The following KDM2A variants were observed in gnomAD, a reference collection of about 807,000 sequenced individuals.
KDM2A encodes lysine-specific demethylase 2A.
Under a neutral mutation model 137.3 loss-of-function variants are expected in KDM2A, and 3 were observed. The ratio of observed to expected loss-of-function variants is 0.02; its 90% CI spans 0.01 to 0.06. KDM2A has a LOEUF of 0.06. Among genes scored for constraint, KDM2A ranks in the 10% least tolerant of loss-of-function variants. The pLI is 1.00. For missense variants in KDM2A, 738 were observed against 1,510.6 expected, an observed-to-expected ratio of 0.49 and a Z score of 8.48; for synonymous variants, 512 against 541.5, an observed-to-expected ratio of 0.95 and a Z score of 0.76.
intron 12 of KDM2A, chr11:67,240,129 G>A: frequency 1.4e-6 from 2 of 1,400,462 alleles, no homozygotes; most frequent in South Asian, 3.3e-5. Context: ...TGAGCTGAAG[G>A]GCTCGAGAAG....
chr11:67,240,040 A>G (rs1368395887), intron 12 of KDM2A: 3 of 1,304,328 alleles, frequency 2.3e-6, no homozygotes, highest in African/African-American at 3.0e-5. Context: ...CCCTCCTGCC[A>G]TCTTCCGTTG....
chr11:67,121,389 C>T lies in KDM2A; in HGVS notation c.42+31C>T, dbSNP rs774882809. The T allele has an allele frequency of 1.8e-5, 29 of 1,602,492 alleles. No homozygotes were observed. The East Asian group carries it at 4.9e-4, about 27-fold the overall frequency. On this transcript the variant is annotated intron_variant, in intron 2 of 20. Coordinates refer to ENST00000529006, the MANE Select transcript of KDM2A (RefSeq NM_012308.3). ...TATTTTCTCCCCCCACCACACCCTC[C>T]AGTTTTAAAGTAGGATAACTATTTT...
Position 67,253,495 on chromosome 11 carries a change from T to G in KDM2A, c.2975T>G (p.Val992Gly), listed in dbSNP as rs1859503038. 1 of 1,613,912 alleles carries G rather than the reference T, an allele frequency of 6.2e-7. No individual in the cohort carries two copies. Among genetic ancestry groups the G allele is most frequent in the African/African-American group, 1.3e-5 (1 of 75,032 alleles). The change falls in exon 19 of 21, where the codon GTC becomes GGC. Residue 992 changes from valine to glycine, a missense_variant. This residue lies in a region of KDM2A where 166 missense variants were observed against 324.0 expected (regional missense o/e 0.51). Coordinates refer to ENST00000529006, the MANE Select transcript of KDM2A (RefSeq NM_012308.3). ...CTAGCAGGCTGCTCCTGGTCTGCAG[T>G]CTCTGCCCTCAGCACCTCCAGCTGC... ...LLLAGCSWSA[V>G]SALSTSSCPL...
At chr11:67,213,398 A>G (rs1342721544) in intron 6 of KDM2A, among the ~76,000 whole-genome samples, 1 of 152,120 alleles carries the variant, frequency 6.6e-6, no homozygotes, top group East Asian at 1.9e-4. Context: ...GGCACAGGAA[A>G]TGTTATAATT....
intron 2 of KDM2A, among the ~76,000 whole-genome samples, chr11:67,148,259 TA>T (rs201406330): frequency 6.8e-5 from 10 of 147,824 alleles, no homozygotes; most frequent in South Asian, 2.1e-4. Context: ...GCATCTCTAT[TA>T]AAAAAAAAAA....
At chr11:67,170,243 G>A (rs933998428) in intron 2 of KDM2A, among the ~76,000 whole-genome samples, 2 of 152,134 alleles carry the variant, frequency 1.3e-5, no homozygotes, top group East Asian at 1.9e-4. Context: ...GTTTGTCAAC[G>A]AAAAGCTAGA....
intron 10 of KDM2A, among the ~76,000 whole-genome samples, chr11:67,225,038 G>T (rs1266354226): frequency 6.6e-6 from 1 of 150,954 alleles, no homozygotes; most frequent in East Asian, 2.0e-4. Flanking sequence ...GGTTTCAGCA[G>T]GCTGGTCTCG....
chr11:67,208,924 C>G (rs1372825547), intron 6 of KDM2A, among the ~76,000 whole-genome samples: 1 of 151,710 alleles, frequency 6.6e-6, no homozygotes, highest in Non-Finnish European at 1.5e-5. Context: ...TAAAAATAAA[C>G]ATTTTTATTA....
intron 12 of KDM2A, among the ~76,000 whole-genome samples, chr11:67,242,322 AAG>A (rs982039665): frequency 1.3e-5 from 2 of 151,296 alleles, no homozygotes; most frequent in Non-Finnish European, 3.0e-5. Context: ...GAGAGAAAGA[AAG>A]AGATTTGAGA....
At chr11:67,215,299 C>A in intron 6 of KDM2A, 41 bp from the exon 7 acceptor site, 2 of 1,361,896 alleles carry the variant, frequency 1.5e-6, no homozygotes, top group Non-Finnish European at 1.0e-6. Context: ...TGACCCCAAC[C>A]TTTCCCTTGG....
intron 15 of KDM2A, among the ~76,000 whole-genome samples, chr11:67,246,915 A>C (rs1267093960): frequency 6.6e-6 from 1 of 151,338 alleles, no homozygotes; most frequent in Non-Finnish European, 1.5e-5. Flanking sequence ...CATTAAGCAT[A>C]TGTTGAATGA....
intron 5 of KDM2A, among the ~76,000 whole-genome samples, chr11:67,189,381 T>G (rs1355913388): frequency 6.6e-6 from 1 of 152,196 alleles, no homozygotes; most frequent in Non-Finnish European, 1.5e-5. Context: ...TAGGGATCAG[T>G]GAAAGCAACA....
At chr11:67,120,993 C>T (rs1161105439) in intron 1 of KDM2A, among the ~76,000 whole-genome samples, 7 of 151,910 alleles carry the variant, frequency 4.6e-5, no homozygotes, top group Non-Finnish European at 7.4e-5. Flanking sequence ...GGTGGTGTGG[C>T]CCTTCCACAA....
intron 2 of KDM2A, among the ~76,000 whole-genome samples, chr11:67,154,315 A>G (rs1250880645): frequency 6.6e-6 from 1 of 152,236 alleles, no homozygotes; most frequent in East Asian, 1.9e-4. Flanking sequence ...CAGAAAATTA[A>G]CCATTGATCA....
intron 11 of KDM2A, among the ~76,000 whole-genome samples, chr11:67,229,826 C>T (rs540544988): frequency 2.3e-4 from 34 of 151,056 alleles, no homozygotes; most frequent in Middle Eastern, 3.4e-3. Flanking sequence ...GCCGAGATCA[C>T]GCCACTGCAC....
intron 10 of KDM2A, among the ~76,000 whole-genome samples, chr11:67,222,902 A>G (rs1858409133): frequency 6.6e-6 from 1 of 151,114 alleles, no homozygotes; most frequent in African/African-American, 2.4e-5. Context: ...TAAGGGGGAA[A>G]AAAAAAAAAG....
rs35372040 is a variant in KDM2A at position 67,212,782 on chromosome 11, T to TAA, written c.487-2545_487-2544dup. Among the ~76,000 whole-genome samples, 242 of 143,144 alleles carry TAA rather than the reference T, an allele frequency of 1.7e-3. 1 individual carries two copies. Among genetic ancestry groups the TAA allele is most frequent in the African/African-American group, 5.1e-3 (198 of 39,082 alleles). 93.9% of individuals were successfully genotyped at this position (143,144 alleles called of 152,430 possible). A position where few individuals can be genotyped will look rare whatever the true frequency, so the allele number is the denominator to read the frequency against. On this transcript the variant is annotated intron_variant, in intron 6 of 20. Coordinates refer to ENST00000529006, the MANE Select transcript of KDM2A (RefSeq NM_012308.3). ...CTGCTTTCTGTGAATGAATGCGTGGTAAAAAAAAAAAAAATACTCATATGT... is the reference window on the plus strand; with the variant it reads ...CTGCTTTCTGTGAATGAATGCGTGGTAAAAAAAAAAAAAAAATACTCATATGT...
At chr11:67,247,168 C>T (rs546709772) in intron 15 of KDM2A, among the ~76,000 whole-genome samples, 1 of 134,554 alleles carries the variant, frequency 7.4e-6, no homozygotes, top group East Asian at 2.4e-4. Context: ...CGTCTCACTG[C>T]AACCTTTGTC....
At position 67,228,104 on chromosome 11, in the gene KDM2A, A is replaced by G; in HGVS notation, c.1025A>G (p.Tyr342Cys). 1 of 1,612,950 alleles carries G rather than the reference A, an allele frequency of 6.2e-7. No homozygotes were observed. The highest frequency in any genetic ancestry group is 8.5e-7 in the Non-Finnish European group (1 of 1,178,970). Reference protein sequence around the residue: ...MCWYVLERYVYCITNRSHLTK... With the variant: ...MCWYVLERYVCCITNRSHLTK... ...TGGTATGTGTTGGAGCGCTATGTGT[A>G]CTGCATAACCAACCGTTCCCACCTA... The change falls in exon 11 of 21, where the codon TAC becomes TGC. Residue 342 changes from tyrosine (Y) to cysteine (C), a missense_variant. Physicochemically the swap from Tyr to Cys is radical, Grantham distance 194. This residue lies in a region of KDM2A where 113 missense variants were observed against 133.5 expected (regional missense o/e 0.85). Transcript: ENST00000529006.
Sources: allele counts gnomAD v4.1 joint callset (sites outside exome capture counted in the v4.1 genomes callset), GRCh38; gene constraint gnomAD v4.1.1; regional missense constraint gnomAD v4.1.1; transcripts MANE v1.5; gene names NCBI Gene and HGNC (gene_info 2026-07-23, HGNC 2026-07-21).